PSMD1: variants seen among roughly 807,000 people sequenced by gnomAD.
PSMD1 encodes 26S proteasome non-ATPase regulatory subunit 1.
A neutral mutation model predicts 119.0 loss-of-function variants in PSMD1; 18 were observed. That is an observed-to-expected ratio of 0.15 (90% CI 0.10 to 0.22). PSMD1 has a LOEUF of 0.22. Among genes scored for constraint, PSMD1 ranks in the 10% least tolerant of loss-of-function variants. The pLI is 1.00. For synonymous variants in PSMD1, 374 were observed against 396.6 expected (o/e 0.94, Z 0.68); for missense variants, 702 against 1,158.5 (o/e 0.61, Z 5.72).
At position 231,151,733 on chromosome 2, in the gene PSMD1, T is replaced by A. The variant is rs568461220; in HGVS notation, c.2116-1831T>A. Among the ~76,000 whole-genome samples the A allele has an allele frequency of 5.4e-4, 82 of 152,188 alleles. 4 individuals are homozygous for A. The South Asian group carries it at 0.012, about 22-fold the overall frequency. On this transcript the variant is annotated intron_variant, in intron 18 of 24. Transcript: ENST00000308696. Reference sequence around the variant, plus strand: ...ATACTGTATAAGGTAATGTAAATGTTCATCTAAAATAAGTTCAGAATCAAA... The same window carrying A: ...ATACTGTATAAGGTAATGTAAATGTACATCTAAAATAAGTTCAGAATCAAA...
At chr2:231,130,659 G>T (rs997238279) in intron 16 of PSMD1, among the ~76,000 whole-genome samples, 1 of 152,020 alleles carries the variant, frequency 6.6e-6, no homozygotes, top group Non-Finnish European at 1.5e-5. Context: ...GGTTTCGCGG[G>T]AATGCCAAGG....
chr2:231,109,318 G>A (rs368334752), intron 16 of PSMD1: 5 of 1,613,942 alleles, frequency 3.1e-6, no homozygotes, highest in Non-Finnish European at 3.4e-6. Flanking sequence ...GCATGAAATC[G>A]CCAAAACGTT....
chr2:231,160,959 C>T (rs1026429338), intron 19 of PSMD1, among the ~76,000 whole-genome samples: 5 of 151,996 alleles, frequency 3.3e-5, no homozygotes, highest in African/African-American at 1.2e-4. Context: ...GCTTGTAATC[C>T]CAAGACTTTG....
At chr2:231,058,365 G>A (rs1281725962) in intron 1 of PSMD1, among the ~76,000 whole-genome samples, 1 of 152,116 alleles carries the variant, frequency 6.6e-6, no homozygotes, top group African/African-American at 2.4e-5. Context: ...TTTTCTTGTG[G>A]ACTATGCTTT....
intron 16 of PSMD1, among the ~76,000 whole-genome samples, chr2:231,089,741 C>T (rs1267653909): frequency 6.6e-5 from 10 of 152,122 alleles, no homozygotes; most frequent in Admixed American, 6.5e-4. Context: ...TGTTTGAAGG[C>T]AGGAAGCATC....
At chr2:231,122,620 A>G (rs1361760188) in intron 16 of PSMD1, among the ~76,000 whole-genome samples, 1 of 152,094 alleles carries the variant, frequency 6.6e-6, no homozygotes, top group African/African-American at 2.4e-5. Context: ...GTTTATCCAA[A>G]TTTTATAACT....
chr2:231,098,374 ATCTC>A (rs887673024), intron 16 of PSMD1, among the ~76,000 whole-genome samples: 1 of 151,160 alleles, frequency 6.6e-6, no homozygotes, highest in Admixed American at 6.6e-5. Flanking sequence ...TACTACTTCT[ATCTC>A]TCTCTCTCTT....
At chr2:231,083,039 T>C in intron 13 of PSMD1, 45 bp downstream of exon 13, 1 of 1,381,390 alleles carries the variant, frequency 7.2e-7, no homozygotes, top group Non-Finnish European at 1.0e-6. Context: ...TATTAATTAA[T>C]GTAAATGTAA....
Position 231,157,003 on chromosome 2 carries a change from C to T in PSMD1, c.2218+3337C>T, listed in dbSNP as rs74428121. The stretch of plus-strand genomic sequence containing the variant: ...ATAGTTTGAATAATACATTATGTAG[C>T]CTTTTCAGATTACTTCTTTTGGTGG... On this transcript the variant is annotated intron_variant, in intron 19 of 24. Transcript: ENST00000308696. 4.3e-3 allele frequency among the ~76,000 whole-genome samples: 653 copies of T among 152,210 alleles called. 4 individuals carry two copies. Among genetic ancestry groups the T allele is most frequent in the Non-Finnish European group, 7.7e-3 (523 of 67,998 alleles).
chr2:231,081,004 C>A (rs142012973), intron 12 of PSMD1, among the ~76,000 whole-genome samples: 4,450 of 152,080 alleles, frequency 0.029, 193 homozygotes, highest in African/African-American at 0.1. Context: ...ATTAGCCGGG[C>A]ATGGTGGTGG....
At chr2:231,069,818 A>AT (rs1178154986) in intron 5 of PSMD1, among the ~76,000 whole-genome samples, 2 of 152,124 alleles carry the variant, frequency 1.3e-5, no homozygotes, top group South Asian at 2.1e-4. Context: ...TTTTTAATCC[A>AT]TTTTTTATGA....
chr2:231,163,987 T>C (rs1181760651), intron 21 of PSMD1, among the ~76,000 whole-genome samples: 1 of 152,220 alleles, frequency 6.6e-6, no homozygotes, highest in Admixed American at 6.5e-5. Flanking sequence ...AATAAAATTA[T>C]TCTCTACATA....
At chr2:231,158,816 C>G (rs1696569743) in intron 19 of PSMD1, among the ~76,000 whole-genome samples, 1 of 152,194 alleles carries the variant, frequency 6.6e-6, no homozygotes, top group Non-Finnish European at 1.5e-5. Context: ...ATGTTATTCA[C>G]AATCCTCAAC....
intron 7 of PSMD1, among the ~76,000 whole-genome samples, chr2:231,072,640 C>T (rs980773518): frequency 6.6e-5 from 10 of 151,670 alleles, no homozygotes; most frequent in Admixed American, 2.0e-4. Context: ...GTGATTATCT[C>T]GTAGGGAGGG....
intron 8 of PSMD1, among the ~76,000 whole-genome samples, chr2:231,076,168 A>T (rs1412797603): frequency 3.3e-5 from 5 of 152,180 alleles, no homozygotes; most frequent in African/African-American, 1.2e-4. Flanking sequence ...TCACAGGGTG[A>T]AAAAAAGGTA....
At chr2:231,144,914 T>C (rs1696217332) in intron 17 of PSMD1, among the ~76,000 whole-genome samples, 1 of 152,248 alleles carries the variant, frequency 6.6e-6, no homozygotes, top group Non-Finnish European at 1.5e-5. Flanking sequence ...CCTAGTACTG[T>C]GTCTGAAAAG....
intron 9 of PSMD1, among the ~76,000 whole-genome samples, chr2:231,077,766 C>T (rs531704359): frequency 3.9e-5 from 6 of 152,280 alleles, no homozygotes; most frequent in Middle Eastern, 3.4e-3. Flanking sequence ...TTCTCGCTCT[C>T]TTATTTATCC....
At position 231,165,983 on chromosome 2, in the gene PSMD1, T is replaced by A; in HGVS notation, c.2681T>A (p.Met894Lys). Residue 894 changes from methionine to lysine, a missense_variant, in exon 23 of 25, where the codon ATG becomes AAG. Met to Lys is a moderately conservative substitution (Grantham distance 95). Transcript: ENST00000308696. ...CCTGCCCAGCTTAAGGTCCTAACCA[T>A]GCCGGAGACCTGTAGATACCAGCCT... ...VMPAQLKVLT[M>K]PETCRYQPFK... The A allele has an allele frequency of 1.2e-6, 2 of 1,613,960 alleles. No homozygotes were observed. Among genetic ancestry groups the A allele is most frequent in the Non-Finnish European group, 1.7e-6 (2 of 1,179,892 alleles).
chr2:231,108,491 A>T, intron 16 of PSMD1: 1 of 1,555,584 alleles, frequency 6.4e-7, no homozygotes, highest in Non-Finnish European at 8.9e-7. Context: ...ACTCATCATT[A>T]TGTTTGATGA....
Sources: gnomAD v4.1 joint callset for allele counts (sites outside exome capture counted in the v4.1 genomes callset) on GRCh38, gnomAD v4.1.1 for gene constraint, MANE v1.5 for transcripts, NCBI Gene and HGNC (gene_info 2026-07-23, HGNC 2026-07-21) for gene names.